The following TTC29 variants were observed in gnomAD, a reference collection of about 807,000 sequenced individuals.
The protein encoded by TTC29 is tetratricopeptide repeat protein 29.
Under a neutral mutation model 58.1 loss-of-function variants are expected in TTC29, and 49 were observed. That is an observed-to-expected ratio of 0.84 (90% CI 0.67 to 1.07). The LOEUF (loss-of-function observed/expected upper bound fraction) is 1.07, where lower values mean the gene tolerates loss of function less well. TTC29 is among the 50% of genes least tolerant of loss of function. The probability of loss-of-function intolerance (pLI) is 0.00; values close to 1 mark genes in which losing one functional copy is unlikely to be tolerated. For missense variants in TTC29, 582 were observed against 555.6 expected, an observed-to-expected ratio of 1.05 and a Z score of -0.48; for synonymous variants, 209 against 196.8, an observed-to-expected ratio of 1.06 and a Z score of -0.52.
intron 7 of TTC29, 33 bp from the exon 8 acceptor site, chr4:146,867,616 T>A (rs939398756): frequency 9.7e-7 from 1 of 1,034,538 alleles, no homozygotes; most frequent in Non-Finnish European, 1.4e-6. Context: ...TTACCAAGTA[T>A]TCAATAAATG....
At chr4:146,853,101 A>C (rs1400617025) in intron 8 of TTC29, among the ~76,000 whole-genome samples, 3 of 152,134 alleles carry the variant, frequency 2.0e-5, no homozygotes, top group African/African-American at 7.2e-5. Flanking sequence ...AAAACCTTTA[A>C]ATTTTAATGG....
At chr4:146,733,417 A>C (rs989876823) in intron 11 of TTC29, among the ~76,000 whole-genome samples, 3 of 152,170 alleles carry the variant, frequency 2.0e-5, no homozygotes, top group Non-Finnish European at 4.4e-5. Flanking sequence ...ACAATTTAAA[A>C]AATTAATGAG....
intron 9 of TTC29, among the ~76,000 whole-genome samples, chr4:146,828,556 A>G (rs1308013411): frequency 6.6e-6 from 1 of 152,106 alleles, no homozygotes; most frequent in Non-Finnish European, 1.5e-5. Context: ...AAACCAATAT[A>G]TTTTTGAAGA....
At chr4:146,851,048 A>G (rs556314673) in intron 8 of TTC29, among the ~76,000 whole-genome samples, 97 of 152,350 alleles carry the variant, frequency 6.4e-4, no homozygotes, top group Non-Finnish European at 1.1e-3. Flanking sequence ...AGGGGTGCTA[A>G]GAGATTTGTC....
intron 9 of TTC29, among the ~76,000 whole-genome samples, chr4:146,822,026 C>A (rs1579758821): frequency 7.7e-6 from 1 of 129,350 alleles, no homozygotes; most frequent in South Asian, 2.6e-4. Context: ...CTAAGTGTGA[C>A]TCCAAATTCT....
chr4:146,771,528 G>C (rs567102690), intron 11 of TTC29, among the ~76,000 whole-genome samples: 12 of 151,962 alleles, frequency 7.9e-5, no homozygotes, highest in Non-Finnish European at 1.6e-4. Flanking sequence ...TTCTGTTTCT[G>C]TCTTAGTTCA....
intron 11 of TTC29, among the ~76,000 whole-genome samples, chr4:146,783,329 C>A (rs532805010): frequency 9.2e-4 from 137 of 149,716 alleles, no homozygotes; most frequent in African/African-American, 3.2e-3. Flanking sequence ...TCCCCATACA[C>A]CCTCTTCTTC....
rs528443619 is a variant in TTC29 at position 146,751,799 on chromosome 4, A to C, written c.1331-44248T>G. Among the ~76,000 whole-genome samples the C allele has an allele frequency of 2.6e-5, 4 of 152,282 alleles. No individual in the cohort carries two copies. The South Asian group carries it at 8.3e-4, about 32-fold the overall frequency. ...ACATTATACCTCCAGGAACTAGAAA[A>C]AGAAGAACTAAACAGAAGGAAGGAA... On this transcript the variant is annotated intron_variant, in intron 11 of 12. Coordinates refer to ENST00000325106, the MANE Select transcript of TTC29 (RefSeq NM_031956.4).
chr4:146,892,470 A>G (rs1445718255), intron 6 of TTC29, among the ~76,000 whole-genome samples: 1 of 152,212 alleles, frequency 6.6e-6, no homozygotes, highest in Non-Finnish European at 1.5e-5. Flanking sequence ...AAGGCCTTTG[A>G]CAAAATTCAA....
intron 11 of TTC29, among the ~76,000 whole-genome samples, chr4:146,789,055 T>C (rs1267966626): frequency 6.6e-6 from 1 of 152,172 alleles, no homozygotes; most frequent in African/African-American, 2.4e-5. Context: ...TTTATAATAA[T>C]GTTCTGCAGT....
chr4:146,884,087 C>T (rs868480561), intron 6 of TTC29, among the ~76,000 whole-genome samples: 18 of 152,002 alleles, frequency 1.2e-4, no homozygotes, highest in Admixed American at 9.2e-4. Flanking sequence ...AGGATCTCTT[C>T]ATTAAATACT....
At chr4:146,936,532 A>G (rs1224135101) in intron 4 of TTC29, among the ~76,000 whole-genome samples, 2 of 152,132 alleles carry the variant, frequency 1.3e-5, no homozygotes, top group Non-Finnish European at 2.9e-5. Flanking sequence ...TAATCATCAG[A>G]ATAGCATTTA....
intron 8 of TTC29, among the ~76,000 whole-genome samples, chr4:146,865,665 TATAA>T (rs919814482): frequency 4.6e-5 from 7 of 152,126 alleles, no homozygotes; most frequent in Non-Finnish European, 8.8e-5. Context: ...AAGTTGAAAT[TATAA>T]ATAAATAAAT....
chr4:146,821,797 C>A (rs1751851797), intron 9 of TTC29, among the ~76,000 whole-genome samples: 2 of 152,060 alleles, frequency 1.3e-5, no homozygotes, highest in South Asian at 4.1e-4. Flanking sequence ...GGGAGCCTAG[C>A]AAATGTCCCA....
At chr4:146,895,204 T>C (rs1732689237) in intron 6 of TTC29, among the ~76,000 whole-genome samples, 1 of 152,198 alleles carries the variant, frequency 6.6e-6, no homozygotes, top group Non-Finnish European at 1.5e-5. Context: ...TCTGTTTTAT[T>C]GGCTGGCTCT....
intron 11 of TTC29, among the ~76,000 whole-genome samples, chr4:146,767,838 T>C (rs1389501097): frequency 6.6e-6 from 1 of 152,022 alleles, no homozygotes; most frequent in Non-Finnish European, 1.5e-5. Flanking sequence ...ATTGCAAAAA[T>C]AAAAATGGAG....
At chr4:146,917,748 T>C (rs1465833164) in intron 4 of TTC29, among the ~76,000 whole-genome samples, 1 of 146,834 alleles carries the variant, frequency 6.8e-6, no homozygotes. Flanking sequence ...AAAAATTATA[T>C]AAAATTCTCC....
At chr4:146,815,943 A>G (rs917710390) in intron 10 of TTC29, among the ~76,000 whole-genome samples, 4 of 152,342 alleles carry the variant, frequency 2.6e-5, no homozygotes, top group South Asian at 4.1e-4. Context: ...CAGAAAGCAC[A>G]AGGAAAATAA....
chr4:146,877,582 T>C (rs1259123174), intron 6 of TTC29, among the ~76,000 whole-genome samples: 1 of 152,208 alleles, frequency 6.6e-6, no homozygotes, highest in African/African-American at 2.4e-5. Flanking sequence ...GAATGGAGCA[T>C]TGACATATCT....
Sources: gnomAD v4.1 joint callset for allele counts (sites outside exome capture counted in the v4.1 genomes callset) on GRCh38, gnomAD v4.1.1 for gene constraint, MANE v1.5 for transcripts, NCBI Gene and HGNC (gene_info 2026-07-23, HGNC 2026-07-21) for gene names.